APOOL: variants seen among roughly 807,000 people sequenced by gnomAD.
APOOL encodes the protein MICOS complex subunit MIC27.
A neutral mutation model predicts 23.1 loss-of-function variants in APOOL; 12 were observed. That is an observed-to-expected ratio of 0.52 (90% CI 0.33 to 0.84). The LOEUF is 0.84. Among genes scored for constraint, APOOL ranks in the 40% least tolerant of loss-of-function variants. The probability of loss-of-function intolerance (pLI) is 0.02; values close to 1 mark genes in which losing one functional copy is unlikely to be tolerated. For missense variants in APOOL, 212 were observed against 199.6 expected (o/e 1.06, Z -0.37); for synonymous variants, 77 against 69.9 (o/e 1.10, Z -0.51).
chrX:85,041,544 A>G (rs1236334848), intron 1 of APOOL, among the ~76,000 whole-genome samples: 1 of 111,315 alleles, frequency 9.0e-6, no homozygotes, highest in Non-Finnish European at 1.9e-5. Flanking sequence ...CACCATGAAT[A>G]TGGTCCCTAT....
chrX:85,026,703 T>A (rs866121688), intron 1 of APOOL, among the ~76,000 whole-genome samples: 4 of 111,857 alleles, frequency 3.6e-5, no homozygotes, highest in Non-Finnish European at 7.5e-5. Context: ...ATGGACACAA[T>A]GTAGCCAAGT....
intron 1 of APOOL, among the ~76,000 whole-genome samples, chrX:85,027,426 T>C (rs1302592903): frequency 1.8e-5 from 2 of 111,205 alleles, no homozygotes; most frequent in African/African-American, 3.3e-5. Context: ...TTAGATAATA[T>C]ATTGGAGCAA....
intron 1 of APOOL, among the ~76,000 whole-genome samples, chrX:85,021,529 G>GGACA (rs1921663183): frequency 9.0e-6 from 1 of 110,947 alleles, no homozygotes; most frequent in Non-Finnish European, 1.9e-5. Context: ...CCCAATACTG[G>GGACA]GACAGAGCCT....
intron 5 of APOOL, 41 bp downstream of exon 5, chrX:85,055,966 A>G (rs1450919591): frequency 9.8e-7 from 1 of 1,016,645 alleles, no homozygotes; most frequent in South Asian, 2.4e-5. Context: ...ATGCCATGAT[A>G]TTAGTTTCTG....
chrX:85,074,975 C>T (rs925532437), intron 8 of APOOL, among the ~76,000 whole-genome samples: 1 of 110,064 alleles, frequency 9.1e-6, no homozygotes, highest in Non-Finnish European at 1.9e-5. Context: ...ACAAATACTG[C>T]TGTGATTTTA....
In APOOL at chrX:85,090,074, A is replaced by T. The variant is rs1243973687; in HGVS notation, c.*2396A>T. On this transcript the variant is annotated 3_prime_UTR_variant, in exon 9 of 9. Coordinates refer to ENST00000373173, the MANE Select transcript of APOOL (RefSeq NM_198450.6). ...AAGGACGTAGACTTTTTCTCTTTCC[A>T]CTCTGTCCTCTACAGCATGCTGGTT... is the stretch of plus-strand genomic sequence containing the variant. 2 of 109,376 alleles carry T rather than the reference A, an allele frequency of 1.8e-5. No individual in the cohort carries two copies. Among genetic ancestry groups the T allele is most frequent in the Non-Finnish European group, 3.8e-5 (2 of 52,696 alleles). The allele number at this position is 109,376 out of a possible 1,213,427, so 9.0% of individuals were successfully genotyped here.
rs1326105153 is a variant in APOOL, at chrX:85,092,236, T to A, written c.*4558T>A. On this transcript the variant is annotated 3_prime_UTR_variant, in exon 9 of 9. Coordinates refer to ENST00000373173, the MANE Select transcript of APOOL (RefSeq NM_198450.6). ...TTGGTTTGGATAATGGAAAGTTGAC[T>A]AGAGCTACAAAATCTGTTTCAAAAT... 3 of 569,098 alleles carry A rather than the reference T, an allele frequency of 5.3e-6. No individual in the cohort carries two copies. Among genetic ancestry groups the A allele is most frequent in the Non-Finnish European group, 7.8e-6 (3 of 386,133 alleles). 46.9% of individuals were successfully genotyped at this position (569,098 alleles called of 1,213,427 possible).
At chrX:85,055,243 A>G (rs1446148557) in intron 4 of APOOL, among the ~76,000 whole-genome samples, 1 of 111,681 alleles carries the variant, frequency 9.0e-6, no homozygotes, top group African/African-American at 3.2e-5. Context: ...GTACTTTTGG[A>G]ACCAGAAACA....
chrX:85,024,731 C>T (rs1181277754), intron 1 of APOOL, among the ~76,000 whole-genome samples: 1 of 112,741 alleles, frequency 8.9e-6, no homozygotes, highest in East Asian at 2.8e-4. Context: ...TTTTCGCCAG[C>T]AGCCGTCTTT....
chrX:85,088,129 CATATTTATACATATAT>C lies in APOOL; in HGVS notation c.*452_*467del, dbSNP rs1924400433. 9.4e-5 allele frequency: 3 copies of C among 31,886 alleles called. No individual in the cohort carries two copies. The highest frequency in any genetic ancestry group is 1.4e-4 in the Non-Finnish European group (3 of 21,103). 2.6% of individuals were successfully genotyped at this position (31,886 alleles called of 1,213,427 possible). A position where few individuals can be genotyped will look rare whatever the true frequency, so the allele number is the denominator to read the frequency against. On this transcript the variant is annotated 3_prime_UTR_variant, in exon 9 of 9. Transcript: ENST00000373173. ...TTATACATATATGTATAAATACATA[CATATTTATACATATAT>C]GTATAAATACATACATATTTATACA...
chrX:85,062,458 A>T (rs1173007069), intron 5 of APOOL, among the ~76,000 whole-genome samples: 1 of 111,502 alleles, frequency 9.0e-6, no homozygotes, highest in East Asian at 2.8e-4. Context: ...CTATGTCTGA[A>T]TGGTATTGCC....
At chrX:85,055,299 G>A (rs938006382) in intron 4 of APOOL, among the ~76,000 whole-genome samples, 6 of 111,741 alleles carry the variant, frequency 5.4e-5, no homozygotes, top group Non-Finnish European at 1.1e-4. Flanking sequence ...TCTACTTTTT[G>A]TCTAGGCTCA....
intron 8 of APOOL, among the ~76,000 whole-genome samples, chrX:85,076,821 G>A (rs1669223157): frequency 1.9e-5 from 2 of 107,525 alleles, no homozygotes; most frequent in Admixed American, 1.0e-4. Context: ...TGCTATTTTG[G>A]GAATCACAAA....
rs192374657 is a variant in APOOL, at chrX:85,040,725, C to T, written c.16-5721C>T. On this transcript the variant is annotated intron_variant, in intron 1 of 8. Transcript: ENST00000373173. ...ATGAAATTTTTACAGTACATTTTTTCGGTTCTTTCTATTGGTTTTGGTTCT... is the reference window on the plus strand; with the variant it reads ...ATGAAATTTTTACAGTACATTTTTTTGGTTCTTTCTATTGGTTTTGGTTCT... 6.8e-3 allele frequency among the ~76,000 whole-genome samples: 763 copies of T among 111,662 alleles called. 6 individuals are homozygous for T. The highest frequency in any genetic ancestry group is 0.012 in the Non-Finnish European group (617 of 53,083).
chrX:85,088,315 TG>T lies in APOOL; in HGVS notation c.*638del, dbSNP rs1924431584. 1.4e-5 allele frequency: 1 copy of T among 71,072 alleles called. No homozygotes were observed. The highest frequency in any genetic ancestry group is 6.3e-5 in the African/African-American group (1 of 15,888). The allele number at this position is 71,072 out of a possible 1,213,427, so 5.9% of individuals were successfully genotyped here. On this transcript the variant is annotated 3_prime_UTR_variant, in exon 9 of 9. Coordinates refer to ENST00000373173, the MANE Select transcript of APOOL (RefSeq NM_198450.6). ...GTGTATGGAAAGGTGTGTTTCCCTC[TG>T]TTTTTTTTTTTTTTTTTTTTTTTTT...
At chrX:85,034,838 T>A (rs1158404778) in intron 1 of APOOL, among the ~76,000 whole-genome samples, 1 of 112,243 alleles carries the variant, frequency 8.9e-6, no homozygotes, top group African/African-American at 3.2e-5. Context: ...TATATGTATC[T>A]CATTTTCTAT....
At chrX:85,016,234 T>C (rs1286852167) in intron 1 of APOOL, among the ~76,000 whole-genome samples, 11 of 103,379 alleles carry the variant, frequency 1.1e-4, no homozygotes, top group East Asian at 3.2e-4. Flanking sequence ...TTTTTGCCAT[T>C]GATGGCAAAA....
At chrX:85,071,744 A>G (rs1348790957) in intron 6 of APOOL, among the ~76,000 whole-genome samples, 1 of 111,938 alleles carries the variant, frequency 8.9e-6, no homozygotes. Context: ...TGGATACATG[A>G]AAAACTTGGA....
intron 1 of APOOL, among the ~76,000 whole-genome samples, chrX:85,021,305 T>C (rs890587290): frequency 9.9e-5 from 11 of 110,603 alleles, no homozygotes; most frequent in African/African-American, 3.6e-4. Flanking sequence ...AGCACCTATA[T>C]AGTCAGCCTC....
Sources: gnomAD v4.1 joint callset for allele counts (sites outside exome capture counted in the v4.1 genomes callset) on GRCh38, gnomAD v4.1.1 for gene constraint, MANE v1.5 for transcripts, NCBI Gene and HGNC (gene_info 2026-07-23, HGNC 2026-07-21) for gene names.